Variants in SLCO5A1 observed in about 807,000 individuals in gnomAD.
SLCO5A1 encodes solute carrier organic anion transporter family member 5A1.
SLCO5A1 carries 39 observed loss-of-function variants against 65.1 expected under a neutral mutation model. That is an observed-to-expected ratio of 0.60 (90% CI 0.46 to 0.78). SLCO5A1 has a LOEUF of 0.78. Among genes scored for constraint, SLCO5A1 ranks in the 30% least tolerant of loss-of-function variants. SLCO5A1 has a pLI of 0.00. For synonymous variants in SLCO5A1, 438 were observed against 415.7 expected (o/e 1.05, Z -0.65); for missense variants, 1,029 against 1,069.4 (o/e 0.96, Z 0.53).
In SLCO5A1 at chr8:69,672,539, G is replaced by C. The variant is rs185495858; in HGVS notation, c.*330C>G. On this transcript the variant is annotated 3_prime_UTR_variant, in exon 10 of 10. Coordinates refer to ENST00000260126, the MANE Select transcript of SLCO5A1 (RefSeq NM_030958.3). ...ACCTTTGTTTGGAGTGTTAGTTAAT[G>C]ATATGCACCGCCATTCCCCTTCCCA... 1 of 263,130 alleles carries C rather than the reference G, an allele frequency of 3.8e-6. No individual in the cohort carries two copies. The highest frequency in any genetic ancestry group is 7.3e-6 in the Non-Finnish European group (1 of 137,478). The allele number at this position is 263,130 out of a possible 1,614,324, so 16.3% of individuals were successfully genotyped here.
chr8:69,677,434 A>G (rs73277464), intron 8 of SLCO5A1, among the ~76,000 whole-genome samples: 8,772 of 152,284 alleles, frequency 0.058, 816 homozygotes, highest in African/African-American at 0.2. Context: ...AAGTGCAAAG[A>G]ATAAGATTAT....
At chr8:69,741,704 T>C (rs1816793949) in intron 4 of SLCO5A1, among the ~76,000 whole-genome samples, 1 of 152,238 alleles carries the variant, frequency 6.6e-6, no homozygotes, top group African/African-American at 2.4e-5. Flanking sequence ...ATAGCATCAT[T>C]TCAGTGGTGT....
In SLCO5A1 at chr8:69,704,937, G is replaced by A; in HGVS notation, c.1622+94C>T. On this transcript the variant is annotated intron_variant, in intron 6 of 9. Coordinates refer to ENST00000260126, the MANE Select transcript of SLCO5A1 (RefSeq NM_030958.3). Reference sequence around the variant, plus strand: ...GCACACACAGGGAGAACAGCTTGGAGGGAGGGGTATGAGGCTGACTGCAGA... The same window carrying A: ...GCACACACAGGGAGAACAGCTTGGAAGGAGGGGTATGAGGCTGACTGCAGA... The A allele has an allele frequency of 3.5e-6, 4 of 1,144,454 alleles. No homozygotes were observed. In the South Asian group the frequency reaches 4.0e-5, roughly 12 times the overall value. 70.9% of individuals were successfully genotyped at this position (1,144,454 alleles called of 1,614,324 possible).
At position 69,826,739 on chromosome 8, in the gene SLCO5A1, C is replaced by T. The variant is rs568277495; in HGVS notation, c.907+5028G>A. Among the ~76,000 whole-genome samples the T allele has an allele frequency of 2.7e-3, 406 of 152,216 alleles. 2 individuals are homozygous for T. The highest frequency in any genetic ancestry group is 8.6e-3 in the African/African-American group (358 of 41,520). On this transcript the variant is annotated intron_variant, in intron 2 of 9. Transcript: ENST00000260126. ...TCAACCATTGTGGAAGTCAGTGTGGCGATTCCTCAGGGATCTAGAACTAGA... is the reference window on the plus strand; with the variant it reads ...TCAACCATTGTGGAAGTCAGTGTGGTGATTCCTCAGGGATCTAGAACTAGA...
chr8:69,704,279 A>C (rs1403560278), intron 6 of SLCO5A1, among the ~76,000 whole-genome samples: 6 of 152,182 alleles, frequency 3.9e-5, no homozygotes, highest in Non-Finnish European at 5.9e-5. Context: ...CCGTTTTGCT[A>C]TCTGTAAACT....
chr8:69,802,520 T>TAA lies in SLCO5A1; in HGVS notation c.907+29245_907+29246dup, dbSNP rs57817058. Among the ~76,000 whole-genome samples the TAA allele has an allele frequency of 8.5e-3, 1,077 of 126,902 alleles. 13 individuals carry two copies. Among genetic ancestry groups the TAA allele is most frequent in the African/African-American group, 0.031 (1,015 of 33,148 alleles). The allele number at this position is 126,902 out of a possible 152,430, so 83.3% of individuals were successfully genotyped here. ...GCAAGACCCTATTTCAAAAAAACACTAAAAAAAAAAAAAAAAAGTTTTAGT... is the reference window on the plus strand; with the variant it reads ...GCAAGACCCTATTTCAAAAAAACACTAAAAAAAAAAAAAAAAAAAGTTTTAGT... On this transcript the variant is annotated intron_variant, in intron 2 of 9. Transcript: ENST00000260126.
rs773836741 is a variant in SLCO5A1, at chr8:69,673,045, G to T, written c.2371C>A (p.Arg791=). 6.2e-7 allele frequency: 1 copy of T among 1,614,180 alleles called. No homozygotes were observed. Among genetic ancestry groups the T allele is most frequent in the Non-Finnish European group, 8.5e-7 (1 of 1,180,042 alleles). The change falls in exon 10 of 10, where the codon CGG becomes AGG. Residue 791 remains arginine (R), a synonymous_variant. Transcript: ENST00000260126. The part of the protein sequence containing the change: ...SERVGHPDNA[R]TRSCPAFSTQ... ...CTGAAAGCTGGGCAAGATCTAGTCC[G>T]GGCATTGTCGGGGTGTCCCACTCTC...
chr8:69,772,936 A>G lies in SLCO5A1; in HGVS notation c.908-11061T>C, dbSNP rs779184053. On this transcript the variant is annotated intron_variant, in intron 2 of 9. Coordinates refer to ENST00000260126, the MANE Select transcript of SLCO5A1 (RefSeq NM_030958.3). ...TAAAACTCACCATGATCCAAGGTTC[A>G]GTGAGTGGGTGCAACAAGCACCAAT... 1.6e-4 allele frequency: 162 copies of G among 985,366 alleles called. 1 individual carries two copies. Among genetic ancestry groups the G allele is most frequent in the East Asian group, 4.5e-4 (4 of 8,804 alleles). 61.0% of individuals were successfully genotyped at this position (985,366 alleles called of 1,614,324 possible).
chr8:69,759,031 A>G (rs977997205), intron 3 of SLCO5A1, among the ~76,000 whole-genome samples: 1 of 152,180 alleles, frequency 6.6e-6, no homozygotes, highest in Non-Finnish European at 1.5e-5. Flanking sequence ...GTGACTACCT[A>G]TGGTTGTTCC....
chr8:69,713,366 G>C (rs1179048934), intron 5 of SLCO5A1: 1 of 152,226 alleles, frequency 6.6e-6, no homozygotes, highest in African/African-American at 2.4e-5. Context: ...GCTGTTGCCT[G>C]GCTGGGCACA....
Position 69,679,468 on chromosome 8 carries a change from C to G in SLCO5A1, c.1934G>C (p.Cys645Ser), listed in dbSNP as rs1457484874. Residue 645 changes from cysteine (C) to serine (S), a missense_variant, in exon 8 of 10, where the codon TGC (cysteine) becomes TCC (serine). Cys to Ser is a moderately radical substitution (Grantham distance 112). Transcript: ENST00000260126. ...AACTAAGAATGGGATAAGAGTATTG[C>G]AGGTCCGTTTACATTTCCCAGACAC... ...YAVSGKCKRT[C>S]NTLIPFLVFL... The G allele has an allele frequency of 6.2e-7, 1 of 1,614,092 alleles. No individual in the cohort carries two copies. Among genetic ancestry groups the G allele is most frequent in the Non-Finnish European group, 8.5e-7 (1 of 1,180,050 alleles).
intron 2 of SLCO5A1, chr8:69,794,441 A>T: frequency 2.2e-6 from 1 of 447,462 alleles, no homozygotes; most frequent in Non-Finnish European, 4.4e-6. Context: ...CAGAAACTTT[A>T]TAAGTGATGA....
chr8:69,667,171 AC>A lies in SLCO5A1; in HGVS notation c.*5697del, dbSNP rs1813206197. The A allele has an allele frequency of 6.6e-6, 1 of 152,218 alleles. No individual in the cohort carries two copies. The highest frequency in any genetic ancestry group is 1.5e-5 in the Non-Finnish European group (1 of 68,042). 9.4% of individuals were successfully genotyped at this position (152,218 alleles called of 1,614,324 possible). A position where few individuals can be genotyped will look rare whatever the true frequency, so the allele number is the denominator to read the frequency against. On this transcript the variant is annotated 3_prime_UTR_variant, in exon 10 of 10. Coordinates refer to ENST00000260126, the MANE Select transcript of SLCO5A1 (RefSeq NM_030958.3). ...ATTTCATTAAACACACGGAAATTAT[AC>A]ATCTTTTAAATTACCTTAAAAAGTC...
At chr8:69,702,103 T>C (rs1814764652) in intron 6 of SLCO5A1, among the ~76,000 whole-genome samples, 1 of 152,256 alleles carries the variant, frequency 6.6e-6, no homozygotes, top group Non-Finnish European at 1.5e-5. Context: ...GTCATAAGAC[T>C]GCTGGGTTTT....
chr8:69,679,350 C>T, intron 8 of SLCO5A1, 28 bp downstream of exon 8: 1 of 1,613,470 alleles, frequency 6.2e-7, no homozygotes, highest in Non-Finnish European at 8.5e-7. Flanking sequence ...GTACAGAACC[C>T]ACCCCAGAAG....
chr8:69,802,429 C>A (rs1036718328), intron 2 of SLCO5A1, among the ~76,000 whole-genome samples: 2 of 151,966 alleles, frequency 1.3e-5, no homozygotes, highest in Non-Finnish European at 2.9e-5. Context: ...TCGCTTGAAC[C>A]CCGGAAGTCA....
chr8:69,726,496 C>CCTTTTTTT (rs71275007), intron 5 of SLCO5A1, among the ~76,000 whole-genome samples: 2 of 115,028 alleles, frequency 1.7e-5, no homozygotes, highest in Non-Finnish European at 3.7e-5. Flanking sequence ...TTCCTACCTC[C>CCTTTTTTT]TTTTTTTTTT....
At chr8:69,766,140 A>C (rs1818049849) in intron 2 of SLCO5A1, among the ~76,000 whole-genome samples, 1 of 152,066 alleles carries the variant, frequency 6.6e-6, no homozygotes, top group Non-Finnish European at 1.5e-5. Flanking sequence ...TCCATAGCTA[A>C]TACTCTGGTC....
intron 8 of SLCO5A1, among the ~76,000 whole-genome samples, chr8:69,678,285 C>T (rs1262242002): frequency 6.6e-6 from 1 of 151,980 alleles, no homozygotes; most frequent in Non-Finnish European, 1.5e-5. Context: ...TGAAAAAACT[C>T]CCTAGGCCTC....
Sources: allele counts gnomAD v4.1 joint callset (sites outside exome capture counted in the v4.1 genomes callset), GRCh38; gene constraint gnomAD v4.1.1; transcripts MANE v1.5; gene names NCBI Gene and HGNC (gene_info 2026-07-23, HGNC 2026-07-21).